The following MGST3 variants were observed in gnomAD, a reference collection of about 807,000 sequenced individuals.
The protein encoded by MGST3 is microsomal glutathione S-transferase 3, also known as glutathione S-transferase 3, mitochondrial.
In MGST3, 13 loss-of-function variants were observed where a neutral mutation model predicts 15.8. That is an observed-to-expected ratio of 0.82 (90% CI 0.54 to 1.31). The LOEUF is 1.31. MGST3 is among the 50% of genes most tolerant of loss of function. The pLI is 0.00. For missense variants in MGST3, 155 were observed against 192.4 expected (o/e 0.81, Z 1.15); for synonymous variants, 49 against 68.1 (o/e 0.72, Z 1.38).
intron 5 of MGST3, among the ~76,000 whole-genome samples, chr1:165,654,953 G>A (rs1648668855): frequency 6.6e-6 from 1 of 152,138 alleles, no homozygotes; most frequent in Admixed American, 6.6e-5. Flanking sequence ...CATGATTAAA[G>A]CTGTAGGTCA....
rs888063059 is a variant in MGST3, at chr1:165,655,567, AT to A, written c.*71del. 20 of 1,591,018 alleles carry A rather than the reference AT, an allele frequency of 1.3e-5. No homozygotes were observed. Among genetic ancestry groups the A allele is most frequent in the African/African-American group, 2.7e-5 (2 of 73,754 alleles). ...ATGACTTACCTTTATTTCCAGTTACATTTTTTTTCTAAATATAATAAAAACT... is the reference window on the plus strand; with the variant it reads ...ATGACTTACCTTTATTTCCAGTTACATTTTTTTCTAAATATAATAAAAACT... On this transcript the variant is annotated 3_prime_UTR_variant, in exon 6 of 6. Coordinates refer to ENST00000367889, the MANE Select transcript of MGST3 (RefSeq NM_004528.4).
intron 1 of MGST3, 40 bp from the exon 2 acceptor site, chr1:165,649,801 C>CA: frequency 1.2e-6 from 2 of 1,613,228 alleles, no homozygotes; most frequent in Non-Finnish European, 1.7e-6. Context: ...GAAATAGCCA[C>CA]AGTGCTGGGG....
intron 1 of MGST3, among the ~76,000 whole-genome samples, chr1:165,643,421 T>C (rs1648310347): frequency 6.6e-6 from 1 of 151,978 alleles, no homozygotes; most frequent in Non-Finnish European, 1.5e-5. Context: ...ATATTAATAT[T>C]AAAAAGAATA....
At chr1:165,652,111 A>G in intron 4 of MGST3, 76 bp downstream of exon 4, 2 of 1,057,356 alleles carry the variant, frequency 1.9e-6, no homozygotes, top group Non-Finnish European at 3.0e-6. Flanking sequence ...AGAAGGAAAT[A>G]AACATTTAAT....
At chr1:165,632,370 G>C (rs1455168726) in intron 1 of MGST3, 4 of 1,346,048 alleles carry the variant, frequency 3.0e-6, no homozygotes, top group Non-Finnish European at 4.2e-6. Context: ...TGGGAAATCT[G>C]TAGATCACCT....
intron 3 of MGST3, chr1:165,651,720 A>G (rs1648561989): frequency 7.3e-6 from 3 of 412,652 alleles, no homozygotes; most frequent in South Asian, 4.5e-5. Flanking sequence ...CTTGGTCAAC[A>G]TGGCAAAACC....
chr1:165,640,835 G>A (rs969483013), intron 1 of MGST3, among the ~76,000 whole-genome samples: 1 of 152,214 alleles, frequency 6.6e-6, no homozygotes, highest in African/African-American at 2.4e-5. Context: ...GGCCTTCCCA[G>A]CCGGGATCCT....
Position 165,638,508 on chromosome 1 carries a change from G to T in MGST3, c.-8+7215G>T, listed in dbSNP as rs142211458. 4.0e-4 allele frequency among the ~76,000 whole-genome samples: 61 copies of T among 152,100 alleles called. 1 individual carries two copies. The East Asian group carries it at 0.011, about 27-fold the overall frequency. ...CAAAACAAAACAAAAACCCAGCCAGGTACGGTGGCTCACACCTGTAATCCC... is the reference window on the plus strand; with the variant it reads ...CAAAACAAAACAAAAACCCAGCCAGTTACGGTGGCTCACACCTGTAATCCC... On this transcript the variant is annotated intron_variant, in intron 1 of 5. Transcript: ENST00000367889.
Position 165,654,305 on chromosome 1 carries a change from C to T in MGST3, c.276C>T (p.Ala92=). The T allele has an allele frequency of 6.2e-7, 1 of 1,614,074 alleles. No individual in the cohort carries two copies. Among genetic ancestry groups the T allele is most frequent in the East Asian group, 2.2e-5 (1 of 44,888 alleles). ...GTATAGCTTCTGGCCTGGGCTTGGCCTGGATTGTTGGACGAGTTCTTTATG... is the reference window on the plus strand; with the variant it reads ...GTATAGCTTCTGGCCTGGGCTTGGCTTGGATTGTTGGACGAGTTCTTTATG... ...HPRIASGLGL[A]WIVGRVLYAY... Residue 92 remains alanine, a synonymous_variant, in exon 5 of 6, where the codon GCC becomes GCT. Coordinates refer to ENST00000367889, the MANE Select transcript of MGST3 (RefSeq NM_004528.4).
intron 1 of MGST3, among the ~76,000 whole-genome samples, chr1:165,634,024 GT>G (rs56190944): frequency 0.2 from 27,035 of 138,400 alleles, 2,501 homozygotes; most frequent in South Asian, 0.27. Flanking sequence ...CTTTCCCAAA[GT>G]TTTTTTTTTT....
rs935803838 is a variant in MGST3 at position 165,655,724 on chromosome 1, C to T, written c.*220C>T. ...CCACAAGTATTGTGCCCTCTCCTCA[C>T]CCTTCCAGCAGATGCTTCTGTAGTA... On this transcript the variant is annotated 3_prime_UTR_variant, in exon 6 of 6. Coordinates refer to ENST00000367889, the MANE Select transcript of MGST3 (RefSeq NM_004528.4). The T allele has an allele frequency of 1.7e-6, 1 of 578,714 alleles. No individual in the cohort carries two copies. Among genetic ancestry groups the T allele is most frequent in the Non-Finnish European group, 3.0e-6 (1 of 330,628 alleles). 35.8% of individuals were successfully genotyped at this position (578,714 alleles called of 1,614,324 possible).
Position 165,652,017 on chromosome 1 carries a change from T to C in MGST3, c.231T>C (p.Val77=), listed in dbSNP as rs369103624. Residue 77 remains valine, a synonymous_variant, in exon 4 of 6, where the codon GTT becomes GTC. Transcript: ENST00000367889. ...CTCCCTTCTTATTTTTTCTAGCTGT[T>C]GGAGGTGTTTACCACCCGGTAAGTT... The part of the protein sequence containing the change: ...VYPPFLFFLA[V]GGVYHPRIAS... 90 of 1,613,764 alleles carry C rather than the reference T, an allele frequency of 5.6e-5. No individual in the cohort carries two copies. The highest frequency in any genetic ancestry group is 5.3e-4 in the Admixed American group (32 of 60,014).
In MGST3 at chr1:165,655,681, T is replaced by G; in HGVS notation, c.*177T>G. 1.4e-6 allele frequency: 1 copy of G among 726,382 alleles called. No homozygotes were observed. The highest frequency in any genetic ancestry group is 2.2e-6 in the Non-Finnish European group (1 of 449,934). 45.0% of individuals were successfully genotyped at this position (726,382 alleles called of 1,614,324 possible). On this transcript the variant is annotated 3_prime_UTR_variant, in exon 6 of 6. Coordinates refer to ENST00000367889, the MANE Select transcript of MGST3 (RefSeq NM_004528.4). ...GTATCTGAAATCAGTAGCCTAGTCC[T>G]ACTAGATGAGAAAGGAGCCACAAGT...
chr1:165,652,143 A>G (rs957935069), intron 4 of MGST3, 108 bp downstream of exon 4: 16 of 822,644 alleles, frequency 1.9e-5, no homozygotes, highest in Admixed American at 9.1e-5. Flanking sequence ...GTGTCTAGGC[A>G]CTGCATATTT....
intron 5 of MGST3, among the ~76,000 whole-genome samples, 189 bp from the exon 6 acceptor site, chr1:165,655,179 A>G (rs72698040): frequency 0.023 from 3,563 of 152,338 alleles, 62 homozygotes; most frequent in South Asian, 0.065. Context: ...AAGCAATACT[A>G]CTGTGGCACG....
chr1:165,651,719 C>T, intron 3 of MGST3: 1 of 410,472 alleles, frequency 2.4e-6, no homozygotes, highest in South Asian at 2.3e-5. Context: ...GCTTGGTCAA[C>T]ATGGCAAAAC....
Position 165,652,022 on chromosome 1 carries a change from G to C in MGST3, c.236G>C (p.Gly79Ala), listed in dbSNP as rs201925632. The change falls in exon 4 of 6, where the codon GGT becomes GCT. Residue 79 changes from glycine to alanine, a missense_variant. Coordinates refer to ENST00000367889, the MANE Select transcript of MGST3 (RefSeq NM_004528.4). ...PPFLFFLAVG[G>A]VYHPRIASGL... is the part of the protein sequence containing the mutation. The stretch of plus-strand genomic sequence containing the variant: ...TTCTTATTTTTTCTAGCTGTTGGAG[G>C]TGTTTACCACCCGGTAAGTTTTCCA... The C allele has an allele frequency of 6.2e-7, 1 of 1,613,320 alleles. No homozygotes were observed. The highest frequency in any genetic ancestry group is 1.1e-5 in the South Asian group (1 of 91,064).
chr1:165,655,534 C>A lies in MGST3; in HGVS notation c.*30C>A. 1 of 1,613,222 alleles carries A rather than the reference C, an allele frequency of 6.2e-7. No individual in the cohort carries two copies. Among genetic ancestry groups the A allele is most frequent in the Admixed American group, 1.7e-5 (1 of 59,994 alleles). On this transcript the variant is annotated 3_prime_UTR_variant, in exon 6 of 6. Transcript: ENST00000367889. ...TTATAGGGGTTTAAAAACTCTCATTCATTTTAAATGACTTACCTTTATTTC... is the reference window on the plus strand; with the variant it reads ...TTATAGGGGTTTAAAAACTCTCATTAATTTTAAATGACTTACCTTTATTTC...
chr1:165,655,620 A>C lies in MGST3; in HGVS notation c.*116A>C. ...ACCTGGCATCAGCCTCATACCTAAA[A>C]CTCCTGACTCTTACCACTCATTTCC... On this transcript the variant is annotated 3_prime_UTR_variant, in exon 6 of 6. Coordinates refer to ENST00000367889, the MANE Select transcript of MGST3 (RefSeq NM_004528.4). 8.1e-7 allele frequency: 1 copy of C among 1,234,822 alleles called. No homozygotes were observed. Among genetic ancestry groups the C allele is most frequent in the Non-Finnish European group, 1.1e-6 (1 of 871,184 alleles). 76.5% of individuals were successfully genotyped at this position (1,234,822 alleles called of 1,614,324 possible).
Sources: gnomAD v4.1 joint callset for allele counts (sites outside exome capture counted in the v4.1 genomes callset) on GRCh38, gnomAD v4.1.1 for gene constraint, MANE v1.5 for transcripts, NCBI Gene and HGNC (gene_info 2026-07-23, HGNC 2026-07-21) for gene names.